ITGA8: variants seen among roughly 807,000 people sequenced by gnomAD.
The protein encoded by ITGA8 is integrin alpha-8.
ITGA8 carries 91 observed loss-of-function variants against 142.3 expected under a neutral mutation model. The observed-to-expected ratio is 0.64, with a 90% CI of 0.54 to 0.76. The LOEUF is 0.76. ITGA8 is among the 30% of genes least tolerant of loss of function. The pLI, the probability that ITGA8 is intolerant of heterozygous loss-of-function variation, is 0.00. For synonymous variants in ITGA8, 505 were observed against 485.2 expected, an observed-to-expected ratio of 1.04 and a Z score of -0.54; for missense variants, 1,406 against 1,327.7, an observed-to-expected ratio of 1.06 and a Z score of -0.92.
At chr10:15,648,168 A>C (rs2131655651) in intron 11 of ITGA8, among the ~76,000 whole-genome samples, 1 of 152,274 alleles carries the variant, frequency 6.6e-6, no homozygotes, top group South Asian at 2.1e-4. Flanking sequence ...TCTGTTTTAA[A>C]ATTTTACAAG....
rs542891037 is a variant in ITGA8, at chr10:15,653,572, A to T, written c.1001+1782T>A. Among the ~76,000 whole-genome samples the T allele has an allele frequency of 2.0e-5, 3 of 152,294 alleles. No homozygotes were observed. In the South Asian group the frequency reaches 6.2e-4, roughly 32 times the overall value. ...ATCAAACCTTCTATGGGTTTTAACA[A>T]ATATATAAGGACACATATCCACTAT... On this transcript the variant is annotated intron_variant, in intron 11 of 29. Coordinates refer to ENST00000378076, the MANE Select transcript of ITGA8 (RefSeq NM_003638.3).
intron 9 of ITGA8, among the ~76,000 whole-genome samples, chr10:15,659,331 G>C (rs1306018132): frequency 6.6e-6 from 1 of 152,094 alleles, no homozygotes; most frequent in East Asian, 1.9e-4. Flanking sequence ...AATACTGAGA[G>C]CAATTAACTT....
chr10:15,556,895 A>C (rs1833897880), intron 26 of ITGA8, among the ~76,000 whole-genome samples: 1 of 152,194 alleles, frequency 6.6e-6, no homozygotes, highest in Non-Finnish European at 1.5e-5. Context: ...GTGATCTCTG[A>C]TTACTTCTGC....
intron 9 of ITGA8, among the ~76,000 whole-genome samples, chr10:15,660,377 G>T (rs1281237882): frequency 6.6e-6 from 1 of 152,224 alleles, no homozygotes; most frequent in Non-Finnish European, 1.5e-5. Flanking sequence ...TGGATCAGAA[G>T]AAATCTAATC....
chr10:15,523,477 G>A (rs867752375), intron 28 of ITGA8, among the ~76,000 whole-genome samples: 4 of 152,286 alleles, frequency 2.6e-5, no homozygotes, highest in Non-Finnish European at 5.9e-5. Flanking sequence ...TGACAGCAGC[G>A]TCTTTAAAAA....
chr10:15,525,170 G>T (rs957958195), intron 28 of ITGA8, among the ~76,000 whole-genome samples: 1 of 151,882 alleles, frequency 6.6e-6, no homozygotes, highest in African/African-American at 2.4e-5. Context: ...CACCATGCCT[G>T]GTGGTTTGAT....
intron 13 of ITGA8, among the ~76,000 whole-genome samples, chr10:15,638,464 A>T (rs1365548894): frequency 2.0e-5 from 3 of 152,204 alleles, no homozygotes; most frequent in African/African-American, 7.2e-5. Context: ...AAAAGGGTTT[A>T]CATCAGACAG....
Position 15,709,970 on chromosome 10 carries a change from A to G in ITGA8, c.343+8796T>C, listed in dbSNP as rs187398758. On this transcript the variant is annotated intron_variant, in intron 2 of 29. Transcript: ENST00000378076. ...TCCCAAGACAAGAGAGGGAACAACT[A>G]AGATGCCATCTTCTAATCCAGAGCT... Among the ~76,000 whole-genome samples the G allele has an allele frequency of 2.3e-3, 344 of 152,326 alleles. 1 individual carries two copies. The highest frequency in any genetic ancestry group is 3.5e-3 in the Non-Finnish European group (239 of 68,018).
At chr10:15,638,807 C>A (rs1198950466) in intron 13 of ITGA8, among the ~76,000 whole-genome samples, 2 of 152,108 alleles carry the variant, frequency 1.3e-5, no homozygotes, top group Non-Finnish European at 2.9e-5. Flanking sequence ...AACAGGGCAG[C>A]TGAACGCCTG....
At chr10:15,530,642 G>A (rs1833270265) in intron 28 of ITGA8, among the ~76,000 whole-genome samples, 1 of 149,972 alleles carries the variant, frequency 6.7e-6, no homozygotes. Context: ...TGCATAGCAA[G>A]AAAAAATGAC....
At chr10:15,611,138 C>G (rs1231734470) in intron 15 of ITGA8, among the ~76,000 whole-genome samples, 3 of 152,082 alleles carry the variant, frequency 2.0e-5, no homozygotes, top group Admixed American at 6.6e-5. Context: ...CAAATAACAG[C>G]AGAGAAAATC....
At chr10:15,551,248 A>G (rs1833788675) in intron 26 of ITGA8, among the ~76,000 whole-genome samples, 3 of 151,538 alleles carry the variant, frequency 2.0e-5, no homozygotes, top group African/African-American at 7.3e-5. Context: ...CATGCAAAAA[A>G]TTAAATGGAT....
rs895825111 is a variant in ITGA8, at chr10:15,514,998, C to T, written c.*2160G>A. ...ATGTAACCCTAAGAGTTCTCAGTTC[C>T]TTCACCAATGTTGGCTTAAAGACAA... is the stretch of plus-strand genomic sequence containing the variant. On this transcript the variant is annotated 3_prime_UTR_variant, in exon 30 of 30. Transcript: ENST00000378076. 7.2e-5 allele frequency: 11 copies of T among 152,126 alleles called. No homozygotes were observed. The highest frequency in any genetic ancestry group is 3.9e-4 in the Admixed American group (6 of 15,280). The allele number at this position is 152,126 out of a possible 1,614,324, so 9.4% of individuals were successfully genotyped here.
In ITGA8 at chr10:15,651,614, T is replaced by C. The variant is rs1588699331; in HGVS notation, c.1001+3740A>G. Among the ~76,000 whole-genome samples, 4 of 152,236 alleles carry C rather than the reference T, an allele frequency of 2.6e-5. No homozygotes were observed. The South Asian group carries it at 6.2e-4, about 24-fold the overall frequency. ...TGCCTACTTTTCAAAGAATACATGT[T>C]TTCCAACAATGTCTACTAGATAGCC... On this transcript the variant is annotated intron_variant, in intron 11 of 29. Transcript: ENST00000378076.
In ITGA8 at chr10:15,684,107, G is replaced by A; in HGVS notation, c.465C>T (p.His155=). 2 of 1,614,100 alleles carry A rather than the reference G, an allele frequency of 1.2e-6. No homozygotes were observed. Among genetic ancestry groups the A allele is most frequent in the South Asian group, 1.1e-5 (1 of 91,086 alleles). The change falls in exon 4 of 30, where the codon CAC becomes CAT. Residue 155 remains histidine, a synonymous_variant. Transcript: ENST00000378076. The stretch of plus-strand genomic sequence containing the variant: ...CTGGTGTCGGTTTAAGAGTTCTCCA[G>A]TGATATAAAGGAGCACAGGCCTAGG... ...GKVVACAPLY[H]WRTLKPTPEK... is the part of the protein sequence containing the mutation.
At chr10:15,596,802 A>T (rs970282027) in intron 21 of ITGA8, 16 of 170,868 alleles carry the variant, frequency 9.4e-5, no homozygotes, top group Admixed American at 7.8e-4. Context: ...GTTGAATGTC[A>T]TGTCCTTCCT....
chr10:15,679,488 AG>A (rs1484389639), intron 4 of ITGA8, among the ~76,000 whole-genome samples: 1 of 152,206 alleles, frequency 6.6e-6, no homozygotes, highest in African/African-American at 2.4e-5. Context: ...AGGCTGAGGC[AG>A]GAGAATCTCT....
Position 15,719,799 on chromosome 10 carries a change from A to G in ITGA8, c.-28T>C. The G allele has an allele frequency of 2.3e-6, 3 of 1,329,102 alleles. No individual in the cohort carries two copies. Among genetic ancestry groups the G allele is most frequent in the Non-Finnish European group, 2.9e-6 (3 of 1,046,362 alleles). 82.3% of individuals were successfully genotyped at this position (1,329,102 alleles called of 1,614,324 possible). On this transcript the variant is annotated 5_prime_UTR_variant, in exon 1 of 30. Transcript: ENST00000378076. ...CCCTCCGCCCCGGTGGGTGGCTGCT[A>G]CCCAGGAGCGCGAGCCGAGGACCCC...
chr10:15,709,415 A>G (rs1031419521), intron 2 of ITGA8, among the ~76,000 whole-genome samples: 1 of 152,246 alleles, frequency 6.6e-6, no homozygotes, highest in African/African-American at 2.4e-5. Flanking sequence ...GCACCCCAGA[A>G]GAAATGCTCT....
Sources: gnomAD v4.1 joint callset for allele counts (sites outside exome capture counted in the v4.1 genomes callset) on GRCh38, gnomAD v4.1.1 for gene constraint, MANE v1.5 for transcripts, NCBI Gene and HGNC (gene_info 2026-07-23, HGNC 2026-07-21) for gene names.